Variants in RBFOX1 observed in about 807,000 individuals in gnomAD.
The protein encoded by RBFOX1 is RNA binding protein fox-1 homolog 1.
RBFOX1 carries 8 observed loss-of-function variants against 57.7 expected under a neutral mutation model. The ratio of observed to expected loss-of-function variants is 0.14; its 90% CI spans 0.08 to 0.25. RBFOX1 has a LOEUF of 0.25. Among genes scored for constraint, RBFOX1 ranks in the 10% least tolerant of loss-of-function variants. The probability of loss-of-function intolerance (pLI) is 1.00; values close to 1 mark genes in which losing one functional copy is unlikely to be tolerated. For missense variants in RBFOX1, 611 were observed against 548.5 expected, an observed-to-expected ratio of 1.11 and a Z score of -1.14; for synonymous variants, 326 against 222.4, an observed-to-expected ratio of 1.47 and a Z score of -4.15.
intron 3 of RBFOX1, among the ~76,000 whole-genome samples, chr16:6,736,065 T>C (rs1450203671): frequency 1.1e-5 from 1 of 90,270 alleles, no homozygotes; most frequent in Admixed American, 1.4e-4. Flanking sequence ...TTCTGATCTA[T>C]CCAGTATTAC....
chr16:5,765,737 C>A (rs1417890052), intron 3 of RBFOX1, among the ~76,000 whole-genome samples: 3 of 152,194 alleles, frequency 2.0e-5, no homozygotes, highest in South Asian at 4.1e-4. Flanking sequence ...CAGTGAAGCA[C>A]CTCAGCCTGG....
intron 14 of RBFOX1, among the ~76,000 whole-genome samples, chr16:7,684,995 T>A (rs2075746619): frequency 6.6e-6 from 1 of 152,084 alleles, no homozygotes; most frequent in Non-Finnish European, 1.5e-5. Context: ...GAGTGGATCA[T>A]CTAAAAAGCC....
rs1050389456 is a variant in RBFOX1, at chr16:5,668,756, G to A, written c.318+69795G>A. ...CTCCTCCCTCCCACTTTTGTTTTAG[G>A]TGCCTGGTCTAACATATGAGGTCAT... On this transcript the variant is annotated intron_variant, in intron 3 of 19. Transcript: ENST00000641259. Among the ~76,000 whole-genome samples, 5 of 152,226 alleles carry A rather than the reference G, an allele frequency of 3.3e-5. No individual in the cohort carries two copies. In the East Asian group the frequency reaches 9.6e-4, roughly 29 times the overall value.
chr16:7,441,857 A>G, intron 4 of RBFOX1, among the ~76,000 whole-genome samples: 1 of 152,300 alleles, frequency 6.6e-6, no homozygotes, highest in South Asian at 2.1e-4. Flanking sequence ...ACTGGCTGTC[A>G]CAGGCATTTG....
intron 2 of RBFOX1, among the ~76,000 whole-genome samples, chr16:6,460,136 C>G (rs2094881908): frequency 6.7e-6 from 1 of 149,110 alleles, no homozygotes; most frequent in Admixed American, 6.7e-5. Flanking sequence ...GCTTAAGTAA[C>G]AGAAGTTTAT....
At position 7,676,954 on chromosome 16, in the gene RBFOX1, C is replaced by A. The variant is rs2073453477; in HGVS notation, c.995+116C>A. The A allele has an allele frequency of 2.9e-6, 3 of 1,045,230 alleles. No homozygotes were observed. The African/African-American group carries it at 4.7e-5, about 16-fold the overall frequency. 64.7% of individuals were successfully genotyped at this position (1,045,230 alleles called of 1,614,324 possible). On this transcript the variant is annotated intron_variant, in intron 14 of 15. Transcript: ENST00000550418. ...CATGACTGCTGGGGGAGGTAGCACC[C>A]CAAAAGTTAGGTCCCATGGTGAACG...
At chr16:6,164,598 C>G in intron 1 of RBFOX1, among the ~76,000 whole-genome samples, 1 of 151,680 alleles carries the variant, frequency 6.6e-6, no homozygotes, top group African/African-American at 2.4e-5. Context: ...TCCCAAGTAG[C>G]TGGGACTATA....
intron 4 of RBFOX1, among the ~76,000 whole-genome samples, chr16:7,441,900 A>G (rs1382403546): frequency 2.0e-5 from 3 of 152,140 alleles, no homozygotes; most frequent in African/African-American, 7.2e-5. Flanking sequence ...CCCTTCCACA[A>G]ATAAACGTGC....
At chr16:5,544,752 A>G (rs1051976466) in intron 2 of RBFOX1, among the ~76,000 whole-genome samples, 11 of 152,136 alleles carry the variant, frequency 7.2e-5, no homozygotes, top group African/African-American at 2.7e-4. Flanking sequence ...TAATATGGGA[A>G]TATTGTGAAC....
chr16:6,360,090 T>C, intron 2 of RBFOX1, among the ~76,000 whole-genome samples: 1 of 152,204 alleles, frequency 6.6e-6, no homozygotes, highest in East Asian at 1.9e-4. Flanking sequence ...TCAATTTCGT[T>C]CATTTCCATG....
chr16:7,165,046 T>G (rs544504501), intron 4 of RBFOX1, among the ~76,000 whole-genome samples: 1 of 152,212 alleles, frequency 6.6e-6, no homozygotes, highest in Non-Finnish European at 1.5e-5. Context: ...TTCTGGGTCA[T>G]AAAGGAGAGC....
At chr16:6,908,928 A>T (rs778906449) in intron 3 of RBFOX1, among the ~76,000 whole-genome samples, 21 of 152,062 alleles carry the variant, frequency 1.4e-4, no homozygotes, top group Non-Finnish European at 2.4e-4. Flanking sequence ...CTGCTAGGAT[A>T]ATTTGGCATA....
intron 4 of RBFOX1, among the ~76,000 whole-genome samples, chr16:7,072,561 A>T (rs757030494): frequency 2.0e-5 from 3 of 152,242 alleles, no homozygotes; most frequent in Non-Finnish European, 4.4e-5. Context: ...TAATACAATG[A>T]AAGAATCAGT....
At chr16:5,595,017 G>A (rs1259149017) in intron 2 of RBFOX1, among the ~76,000 whole-genome samples, 1 of 149,986 alleles carries the variant, frequency 6.7e-6, no homozygotes, top group African/African-American at 2.5e-5. Flanking sequence ...ATGGTGGTGG[G>A]CACCTCCAAT....
At chr16:7,666,739 G>C (rs1027020481) in intron 13 of RBFOX1, among the ~76,000 whole-genome samples, 1 of 152,200 alleles carries the variant, frequency 6.6e-6, no homozygotes, top group Non-Finnish European at 1.5e-5. Context: ...TTAGAAGAAG[G>C]AAATATGCCA....
rs2152624766 is a variant in RBFOX1, at chr16:6,119,125, C to T, written c.-127+99133C>T. ...AGTGTCAGTTTCCACATAGGTTTTA[C>T]AGATATAATGGCATTACCTACACCA... On this transcript the variant is annotated intron_variant, in intron 1 of 15. Coordinates refer to ENST00000550418, the MANE Select transcript of RBFOX1 (RefSeq NM_018723.4). Among the ~76,000 whole-genome samples the T allele has an allele frequency of 1.3e-5, 2 of 151,508 alleles. 1 individual carries two copies. The highest frequency in any genetic ancestry group is 4.2e-4 in the South Asian group (2 of 4,796).
At chr16:6,098,143 C>T (rs371258921) in intron 1 of RBFOX1, among the ~76,000 whole-genome samples, 1 of 152,060 alleles carries the variant, frequency 6.6e-6, no homozygotes, top group South Asian at 2.1e-4. Context: ...CCCTTCGTTG[C>T]CTGGAGTTCT....
chr16:6,875,717 C>T (rs983474732), intron 3 of RBFOX1, among the ~76,000 whole-genome samples: 2 of 152,128 alleles, frequency 1.3e-5, no homozygotes, highest in African/African-American at 2.4e-5. Context: ...AATGAATCAG[C>T]GCCACATCTG....
At chr16:7,542,080 G>C (rs17144049) in intron 5 of RBFOX1, among the ~76,000 whole-genome samples, 8,087 of 152,224 alleles carry the variant, frequency 0.053, 362 homozygotes, top group East Asian at 0.22. Flanking sequence ...CTCTAAAATA[G>C]AGCAGCAGTT....
Sources: gnomAD v4.1 joint callset for allele counts (sites outside exome capture counted in the v4.1 genomes callset) on GRCh38, gnomAD v4.1.1 for gene constraint, MANE v1.5 for transcripts, NCBI Gene and HGNC (gene_info 2026-07-23, HGNC 2026-07-21) for gene names.